Variants in OR51Q1 observed in about 807,000 individuals in gnomAD.
OR51Q1 encodes the protein olfactory receptor family 51 subfamily Q member 1, also known as olfactory receptor 51Q1.
For synonymous variants in OR51Q1, 187 were observed against 151.7 expected (o/e 1.23, Z -1.71); for missense variants, 501 against 397.1 (o/e 1.26, Z -2.22).
Position 5,422,978 on chromosome 11 carries a change from G to A in OR51Q1, c.778G>A (p.Val260Ile). The stretch of plus-strand genomic sequence containing the variant: ...GGTCCTCTACATTCCCATGGTTGGT[G>A]TATCTATGACTCATCGCTTTGCCAA... ...VLVLYIPMVG[V>I]SMTHRFAKHA... The change falls in exon 1 of 1, where the codon GTA (valine) becomes ATA (isoleucine). Residue 260 changes from valine (V) to isoleucine (I), a missense_variant. Val to Ile is a conservative substitution (Grantham distance 29). Transcript: ENST00000300778. 1.2e-6 allele frequency: 2 copies of A among 1,614,116 alleles called. No individual in the cohort carries two copies. Among genetic ancestry groups the A allele is most frequent in the Non-Finnish European group, 8.5e-7 (1 of 1,180,008 alleles).
Position 5,422,190 on chromosome 11 carries a change from A to G in OR51Q1, c.-11A>G. ...GTGAAGATCCTGAATCTGAAGACAC[A>G]TTCATCAGTCATGTCCCAGGTGACT... On this transcript the variant is annotated 5_prime_UTR_variant, in exon 1 of 1. Coordinates refer to ENST00000300778, the MANE Select transcript of OR51Q1 (RefSeq NM_001004757.2). 1.3e-6 allele frequency: 2 copies of G among 1,575,638 alleles called. No homozygotes were observed. The highest frequency in any genetic ancestry group is 8.6e-7 in the Non-Finnish European group (1 of 1,156,444).
rs902821136 is a variant in OR51Q1, at chr11:5,422,700, G to T, written c.500G>T (p.Arg167Leu). Residue 167 changes from arginine (R) to leucine (L), a missense_variant, in exon 1 of 1, where the codon CGA becomes CTA. Physicochemically the swap from Arg to Leu is moderately radical, Grantham distance 102. Transcript: ENST00000300778. ...AVLPSLFLLK[R>L]LPFCHSHLLS... Reference sequence around the variant, plus strand: ...CTTCCCTCCCTTTTCTTACTCAAGCGACTGCCTTTCTGCCACTCCCACCTT... The same window carrying T: ...CTTCCCTCCCTTTTCTTACTCAAGCTACTGCCTTTCTGCCACTCCCACCTT... 6.2e-7 allele frequency: 1 copy of T among 1,613,916 alleles called. No homozygotes were observed. Among genetic ancestry groups the T allele is most frequent in the African/African-American group, 1.3e-5 (1 of 74,956 alleles).
rs143141159 is a variant in OR51Q1, at chr11:5,422,232, G to C, written c.32G>C (p.Gly11Ala). The C allele has an allele frequency of 3.1e-6, 5 of 1,612,814 alleles. No individual in the cohort carries two copies. In the African/African-American group the frequency reaches 5.3e-5, roughly 17 times the overall value. MSQVTNTTQE[G>A]IYFILTDIPG... is the part of the protein sequence containing the mutation. ...CAGGTGACTAACACCACACAAGAAG[G>C]CATCTACTTCATCCTCACGGACATC... Residue 11 changes from glycine to alanine, a missense_variant, in exon 1 of 1, where the codon GGC becomes GCC. Physicochemically the swap from Gly to Ala is moderately conservative, Grantham distance 60. Transcript: ENST00000300778.
chr11:5,422,400 T>C lies in OR51Q1; in HGVS notation c.200T>C (p.Met67Thr). 3 of 1,614,198 alleles carry C rather than the reference T, an allele frequency of 1.9e-6. No individual in the cohort carries two copies. The highest frequency in any genetic ancestry group is 3.3e-4 in the Middle Eastern group (2 of 6,062). The part of the protein sequence containing the change: ...VHQRMYLFLS[M>T]LALTDLGLTL... ...CAGCGCATGTATCTGTTTCTCTCCA[T>C]GCTGGCCCTGACGGACCTGGGTCTC... Residue 67 changes from methionine (M) to threonine (T), a missense_variant, in exon 1 of 1, where the codon ATG becomes ACG. Physicochemically the swap from Met to Thr is moderately conservative, Grantham distance 81 (BLOSUM62 -1). Coordinates refer to ENST00000300778, the MANE Select transcript of OR51Q1 (RefSeq NM_001004757.2).
In OR51Q1 at chr11:5,422,925, A is replaced by G; in HGVS notation, c.725A>G (p.Asn242Ser). The change falls in exon 1 of 1, where the codon AAC becomes AGC. Residue 242 changes from asparagine to serine, a missense_variant. Physicochemically the swap from Asn to Ser is conservative, Grantham distance 46. Transcript: ENST00000300778. ...GCTGAGCGACTCCGTGCCCTCAATAACTGCCTGTCCCACATTCTAGCTGTC... is the reference window on the plus strand; with the variant it reads ...GCTGAGCGACTCCGTGCCCTCAATAGCTGCCTGTCCCACATTCTAGCTGTC... ...TWAERLRALN[N>S]CLSHILAVLV... 1.2e-5 allele frequency: 19 copies of G among 1,614,020 alleles called. No homozygotes were observed. The highest frequency in any genetic ancestry group is 1.6e-5 in the Non-Finnish European group (19 of 1,179,962).
chr11:5,422,860 T>C lies in OR51Q1; in HGVS notation c.660T>C (p.Tyr220=). 6.2e-7 allele frequency: 1 copy of C among 1,614,180 alleles called. No individual in the cohort carries two copies. The change falls in exon 1 of 1, where the codon TAT becomes TAC. Residue 220 remains tyrosine (Y), a synonymous_variant. Transcript: ENST00000300778. Reference sequence around the variant, plus strand: ...ATCCTCTGCTCATTGTGATCTCCTATACACTTATTCTGAAAAATATCTTGG... The same window carrying C: ...ATCCTCTGCTCATTGTGATCTCCTACACACTTATTCTGAAAAATATCTTGG... ...IVDPLLIVIS[Y]TLILKNILGT... is the part of the protein sequence containing the mutation.
chr11:5,422,649 T>C lies in OR51Q1; in HGVS notation c.449T>C (p.Ile150Thr). Residue 150 changes from isoleucine to threonine, a missense_variant, in exon 1 of 1, where the codon ATC becomes ACC. By Grantham distance (89) the Ile-to-Thr change is moderately conservative. Transcript: ENST00000300778. ...GTCATTGGTAGAACTGGGTTAGCCA[T>C]CATTTGCTGCTGTGTTCTGGCGGTT... ...NEVIGRTGLAIICCCVLAVLP... is the reference protein window; with the variant it reads ...NEVIGRTGLATICCCVLAVLP... 6.2e-7 allele frequency: 1 copy of C among 1,614,132 alleles called. No individual in the cohort carries two copies. The highest frequency in any genetic ancestry group is 8.5e-7 in the Non-Finnish European group (1 of 1,180,010).
Position 5,422,262 on chromosome 11 carries a change from G to A in OR51Q1, c.62G>A (p.Gly21Glu). 1 of 1,614,062 alleles carries A rather than the reference G, an allele frequency of 6.2e-7. No homozygotes were observed. Among genetic ancestry groups the A allele is most frequent in the South Asian group, 1.1e-5 (1 of 91,056 alleles). ...GIYFILTDIP[G>E]FEASHIWISI... ...TACTTCATCCTCACGGACATCCCTG[G>A]ATTTGAGGCCTCCCACATCTGGATC... Residue 21 changes from glycine (G) to glutamate (E), a missense_variant, in exon 1 of 1, where the codon GGA (glycine) becomes GAA (glutamate). Transcript: ENST00000300778.
rs1850381948 is a variant in OR51Q1, at chr11:5,423,104, C to T, written c.904C>T (p.Gln302Ter). The T allele has an allele frequency of 6.2e-7, 1 of 1,608,780 alleles. No homozygotes were observed. Among genetic ancestry groups the T allele is most frequent in the South Asian group, 1.1e-5 (1 of 90,184 alleles). The change falls in exon 1 of 1, where the codon CAA (glutamine) becomes TAA (stop). Residue 302 changes from glutamine (Q) to a stop codon, truncating the protein, a stop_gained. Transcript: ENST00000300778. LOFTEE classifies it low-confidence loss of function (END_TRUNC). The part of the protein sequence containing the change: ...IIYSVKNKQI[Q>*]WGMLNFLSLK... ...TTACAGTGTAAAGAACAAGCAGATC[C>T]AATGGGGAATGTTAAATTTCCTTTC...
chr11:5,422,382 T>A lies in OR51Q1; in HGVS notation c.182T>A (p.Met61Lys), dbSNP rs752772366. 3.1e-6 allele frequency: 5 copies of A among 1,614,174 alleles called. No individual in the cohort carries two copies. In the South Asian group the frequency reaches 5.5e-5, roughly 18 times the overall value. ...IRTEPSVHQR[M>K]YLFLSMLALT... ...ACAGAGCCATCTGTCCACCAGCGCATGTATCTGTTTCTCTCCATGCTGGCC... is the reference window on the plus strand; with the variant it reads ...ACAGAGCCATCTGTCCACCAGCGCAAGTATCTGTTTCTCTCCATGCTGGCC... Residue 61 changes from methionine (M) to lysine (K), a missense_variant, in exon 1 of 1, where the codon ATG (methionine) becomes AAG (lysine). Met to Lys is a moderately conservative substitution (Grantham distance 95). Coordinates refer to ENST00000300778, the MANE Select transcript of OR51Q1 (RefSeq NM_001004757.2).
Position 5,422,342 on chromosome 11 carries a change from C to T in OR51Q1, c.142C>T (p.Leu48Phe), listed in dbSNP as rs1850353130. 1 of 1,614,142 alleles carries T rather than the reference C, an allele frequency of 6.2e-7. No individual in the cohort carries two copies. ...TISIMGNTTI[L>F]TVIRTEPSVH... Reference sequence around the variant, plus strand: ...CTCCATCATGGGCAATACCACCATCCTCACTGTCATTCGCACAGAGCCATC... The same window carrying T: ...CTCCATCATGGGCAATACCACCATCTTCACTGTCATTCGCACAGAGCCATC... Residue 48 changes from leucine to phenylalanine, a missense_variant, in exon 1 of 1, where the codon CTC (leucine) becomes TTC (phenylalanine). By Grantham distance (22) the Leu-to-Phe change is conservative. Transcript: ENST00000300778.
In OR51Q1 at chr11:5,423,064, G is replaced by A; in HGVS notation, c.864G>A (p.Val288=). ...ATATCTACCTGCTGGCACCCCCGGTGATGAACCCCATCATTTACAGTGTAA... is the reference window on the plus strand; with the variant it reads ...ATATCTACCTGCTGGCACCCCCGGTAATGAACCCCATCATTTACAGTGTAA... ...MANIYLLAPP[V]MNPIIYSVKN... Residue 288 remains valine, a synonymous_variant, in exon 1 of 1, where the codon GTG becomes GTA. Coordinates refer to ENST00000300778, the MANE Select transcript of OR51Q1 (RefSeq NM_001004757.2). 1.2e-6 allele frequency: 2 copies of A among 1,614,046 alleles called. No individual in the cohort carries two copies. Among genetic ancestry groups the A allele is most frequent in the Non-Finnish European group, 1.7e-6 (2 of 1,180,022 alleles).
Position 5,423,188 on chromosome 11 carries a change from A to G in OR51Q1, c.*34A>G. ...ATTTCTTAAATTACTGACAAGTATG[A>G]GTCATAGGCTTAAGGGGGGAATATA... is the stretch of plus-strand genomic sequence containing the variant. On this transcript the variant is annotated 3_prime_UTR_variant, in exon 1 of 1. Transcript: ENST00000300778. 1 of 1,532,942 alleles carries G rather than the reference A, an allele frequency of 6.5e-7. No homozygotes were observed. The highest frequency in any genetic ancestry group is 8.8e-7 in the Non-Finnish European group (1 of 1,134,944). 95.0% of individuals were successfully genotyped at this position (1,532,942 alleles called of 1,614,324 possible). A position where few individuals can be genotyped will look rare whatever the true frequency, so the allele number is the denominator to read the frequency against.
rs893208901 is a variant in OR51Q1 at position 5,422,114 on chromosome 11, G to C, written c.-87G>C. The C allele has an allele frequency of 6.6e-6, 7 of 1,055,910 alleles. No homozygotes were observed. The highest frequency in any genetic ancestry group is 8.3e-6 in the Non-Finnish European group (6 of 719,590). The allele number at this position is 1,055,910 out of a possible 1,614,324, so 65.4% of individuals were successfully genotyped here. ...TGAACATTTATTTGTGTAGAATTTG[G>C]ATTAAATGGGGCAAAGAGATATTAT... is the stretch of plus-strand genomic sequence containing the variant. On this transcript the variant is annotated 5_prime_UTR_variant, in exon 1 of 1. Coordinates refer to ENST00000300778, the MANE Select transcript of OR51Q1 (RefSeq NM_001004757.2).
chr11:5,422,585 T>G lies in OR51Q1; in HGVS notation c.385T>G (p.Cys129Gly). The G allele has an allele frequency of 6.2e-7, 1 of 1,614,210 alleles. No homozygotes were observed. The highest frequency in any genetic ancestry group is 1.1e-5 in the South Asian group (1 of 91,076). The part of the protein sequence containing the change: ...AMSVDCYVAI[C>G]CPLHYASILT... ...GTCCGTTGACTGCTATGTGGCCATC[T>G]GCTGTCCCCTCCATTATGCCTCCAT... is the stretch of plus-strand genomic sequence containing the variant. The change falls in exon 1 of 1, where the codon TGC (cysteine) becomes GGC (glycine). Residue 129 changes from cysteine (C) to glycine (G), a missense_variant. Physicochemically the swap from Cys to Gly is radical, Grantham distance 159. Transcript: ENST00000300778.
In OR51Q1 at chr11:5,422,908, A is replaced by C; in HGVS notation, c.708A>C (p.Arg236=). The stretch of plus-strand genomic sequence containing the variant: ...TGGGCACAGCCACCTGGGCTGAGCG[A>C]CTCCGTGCCCTCAATAACTGCCTGT... The part of the protein sequence containing the change: ...NILGTATWAE[R]LRALNNCLSH... The change falls in exon 1 of 1, where the codon CGA becomes CGC. Residue 236 remains arginine (R), a synonymous_variant. Transcript: ENST00000300778. The C allele has an allele frequency of 1.2e-6, 2 of 1,613,746 alleles. No homozygotes were observed. The highest frequency in any genetic ancestry group is 1.7e-6 in the Non-Finnish European group (2 of 1,179,900).
At position 5,423,118 on chromosome 11, in the gene OR51Q1, A is replaced by G. The variant is rs1371946344; in HGVS notation, c.918A>G (p.Leu306=). 6 of 1,604,934 alleles carry G rather than the reference A, an allele frequency of 3.7e-6. No homozygotes were observed. In the Middle Eastern group the frequency reaches 8.3e-4, roughly 222 times the overall value. ...ACAAGCAGATCCAATGGGGAATGTT[A>G]AATTTCCTTTCCCTCAAAAATATGC... ...VKNKQIQWGM[L]NFLSLKNMHS... The change falls in exon 1 of 1, where the codon TTA becomes TTG. Residue 306 remains leucine, a synonymous_variant. Transcript: ENST00000300778.
Position 5,422,804 on chromosome 11 carries a change from T to C in OR51Q1, c.604T>C (p.Phe202Leu), listed in dbSNP as rs1197449017. The C allele has an allele frequency of 6.2e-7, 1 of 1,614,144 alleles. No individual in the cohort carries two copies. The highest frequency in any genetic ancestry group is 2.2e-5 in the East Asian group (1 of 44,878). ...CATCAGGCTCAACAGCTGGTATGGA[T>C]TTGCTCTTGCCTTGCTCATTATTAT... The part of the protein sequence containing the change: ...ADIRLNSWYG[F>L]ALALLIIIVD... The change falls in exon 1 of 1, where the codon TTT becomes CTT. Residue 202 changes from phenylalanine (F) to leucine (L), a missense_variant. By Grantham distance (22) the Phe-to-Leu change is conservative (BLOSUM62 0). Coordinates refer to ENST00000300778, the MANE Select transcript of OR51Q1 (RefSeq NM_001004757.2).
In OR51Q1 at chr11:5,422,134, T is replaced by C. The variant is rs1412392340; in HGVS notation, c.-67T>C. 2 of 1,215,308 alleles carry C rather than the reference T, an allele frequency of 1.6e-6. No individual in the cohort carries two copies. The highest frequency in any genetic ancestry group is 3.0e-5 in the African/African-American group (2 of 66,184). The allele number at this position is 1,215,308 out of a possible 1,614,324, so 75.3% of individuals were successfully genotyped here. A position where few individuals can be genotyped will look rare whatever the true frequency, so the allele number is the denominator to read the frequency against. On this transcript the variant is annotated 5_prime_UTR_variant, in exon 1 of 1. Transcript: ENST00000300778. ...ATTTGGATTAAATGGGGCAAAGAGA[T>C]ATTATTTCTAATGTTTCTTTTTCTC...
Sources: gnomAD v4.1 joint callset for allele counts on GRCh38, gnomAD v4.1.1 for gene constraint, MANE v1.5 for transcripts, NCBI Gene and HGNC (gene_info 2026-07-23, HGNC 2026-07-21) for gene names.